ZNF385B: variants seen among roughly 807,000 people sequenced by gnomAD.
ZNF385B encodes zinc finger protein 385B, also known as zinc finger protein 533.
Under a neutral mutation model 39.2 loss-of-function variants are expected in ZNF385B, and 23 were observed. The observed-to-expected ratio is 0.59, with a 90% CI of 0.42 to 0.83. ZNF385B has a LOEUF of 0.83. Among genes scored for constraint, ZNF385B ranks in the 40% least tolerant of loss-of-function variants. The pLI, the probability that ZNF385B is intolerant of heterozygous loss-of-function variation, is 0.00. For missense variants in ZNF385B, 552 were observed against 598.9 expected (o/e 0.92, Z 0.82); for synonymous variants, 205 against 222.6 (o/e 0.92, Z 0.70).
chr2:179,841,701 T>C (rs549188403), intron 1 of ZNF385B, among the ~76,000 whole-genome samples: 1 of 152,240 alleles, frequency 6.6e-6, no homozygotes, highest in East Asian at 1.9e-4. Flanking sequence ...ACCAAATGTC[T>C]CCTGGGGGCA....
At chr2:179,631,569 C>A (rs1386381565) in intron 3 of ZNF385B, among the ~76,000 whole-genome samples, 1 of 152,066 alleles carries the variant, frequency 6.6e-6, no homozygotes, top group African/African-American at 2.4e-5. Flanking sequence ...CAAAAACATG[C>A]CAAATTGTAA....
chr2:179,617,389 T>C (rs1389454304), intron 3 of ZNF385B, among the ~76,000 whole-genome samples: 1 of 152,216 alleles, frequency 6.6e-6, no homozygotes, highest in Admixed American at 6.5e-5. Flanking sequence ...GAAAGCCTAG[T>C]ACCACCTGAT....
At chr2:179,662,807 C>A (rs1479405265) in intron 3 of ZNF385B, among the ~76,000 whole-genome samples, 1 of 152,096 alleles carries the variant, frequency 6.6e-6, no homozygotes, top group Non-Finnish European at 1.5e-5. Flanking sequence ...CTTCCAAGTT[C>A]TTTTACTTTG....
At chr2:179,739,710 G>C (rs1701975723) in intron 3 of ZNF385B, among the ~76,000 whole-genome samples, 1 of 152,032 alleles carries the variant, frequency 6.6e-6, no homozygotes, top group Admixed American at 6.6e-5. Context: ...TGGAGTATTA[G>C]TATAGCTTAA....
At chr2:179,770,819 G>A (rs1004576687) in intron 1 of ZNF385B, 147 bp from the exon 2 acceptor site, 1 of 152,150 alleles carries the variant, frequency 6.6e-6, no homozygotes, top group South Asian at 2.1e-4. Context: ...TAAACTAAGG[G>A]AAGATTCGAA....
At chr2:179,827,635 C>T (rs1024844040) in intron 1 of ZNF385B, among the ~76,000 whole-genome samples, 5 of 152,092 alleles carry the variant, frequency 3.3e-5, no homozygotes, top group African/African-American at 7.2e-5. Context: ...AGAACTGCCC[C>T]GCATTTCCTA....
intron 3 of ZNF385B, among the ~76,000 whole-genome samples, chr2:179,551,211 G>A: frequency 6.6e-6 from 1 of 152,000 alleles, no homozygotes; most frequent in South Asian, 2.1e-4. Flanking sequence ...GTCACTGAAT[G>A]CATATATTTA....
chr2:179,703,581 T>C (rs989946615), intron 3 of ZNF385B, among the ~76,000 whole-genome samples: 5 of 152,232 alleles, frequency 3.3e-5, no homozygotes, highest in African/African-American at 1.2e-4. Flanking sequence ...GATCTGCTTT[T>C]GTTAAATGGA....
At chr2:179,603,634 G>C (rs1402348075) in intron 3 of ZNF385B, among the ~76,000 whole-genome samples, 2 of 152,118 alleles carry the variant, frequency 1.3e-5, no homozygotes, top group Admixed American at 6.6e-5. Flanking sequence ...ATTATATCAT[G>C]TGATTGTAGC....
At chr2:179,824,189 T>G (rs552087166) in intron 1 of ZNF385B, among the ~76,000 whole-genome samples, 16 of 152,270 alleles carry the variant, frequency 1.1e-4, no homozygotes, top group African/African-American at 3.8e-4. Flanking sequence ...TCTACTCCAG[T>G]TGTGCATGTC....
chr2:179,540,333 C>T (rs2059836063), intron 4 of ZNF385B, among the ~76,000 whole-genome samples: 4 of 152,086 alleles, frequency 2.6e-5, no homozygotes, highest in African/African-American at 9.7e-5. Flanking sequence ...GTAATCCCAG[C>T]TACTCGGGAG....
chr2:179,490,273 CT>C (rs879928023), intron 5 of ZNF385B, among the ~76,000 whole-genome samples: 4 of 151,820 alleles, frequency 2.6e-5, no homozygotes, highest in African/African-American at 9.7e-5. Context: ...GTTATGGCTG[CT>C]TTGAAATACC....
intron 3 of ZNF385B, among the ~76,000 whole-genome samples, chr2:179,545,909 A>G (rs2060201957): frequency 6.6e-6 from 1 of 152,184 alleles, no homozygotes; most frequent in South Asian, 2.1e-4. Flanking sequence ...CAATCCAATT[A>G]TACTCTTTTA....
At chr2:179,583,337 A>T (rs1686750215) in intron 3 of ZNF385B, among the ~76,000 whole-genome samples, 1 of 152,182 alleles carries the variant, frequency 6.6e-6, no homozygotes, top group Admixed American at 6.5e-5. Flanking sequence ...AATTTAAGCC[A>T]TTATTATCAG....
chr2:179,563,309 T>C (rs1210084952), intron 3 of ZNF385B, among the ~76,000 whole-genome samples: 2 of 152,162 alleles, frequency 1.3e-5, no homozygotes, highest in Non-Finnish European at 2.9e-5. Flanking sequence ...TATGACTGAA[T>C]GGTTGTTTTG....
intron 3 of ZNF385B, among the ~76,000 whole-genome samples, chr2:179,607,048 C>T (rs1471696849): frequency 2.6e-5 from 4 of 152,094 alleles, no homozygotes; most frequent in South Asian, 2.1e-4. Flanking sequence ...TATTTGGTTA[C>T]GTCTGGACCT....
chr2:179,591,394 G>C (rs4511690), intron 3 of ZNF385B, among the ~76,000 whole-genome samples: 66,300 of 151,684 alleles, frequency 0.44, 15,052 homozygotes, highest in Middle Eastern at 0.59. Context: ...GAAATACAGA[G>C]AGCAATGAAA....
intron 1 of ZNF385B, among the ~76,000 whole-genome samples, chr2:179,831,854 A>G (rs978252260): frequency 2.6e-5 from 4 of 152,248 alleles, no homozygotes; most frequent in Non-Finnish European, 4.4e-5. Flanking sequence ...ATGGACTCAT[A>G]AAGAGACTGA....
chr2:179,695,948 G>A (rs1323205458), intron 3 of ZNF385B, among the ~76,000 whole-genome samples: 1 of 152,204 alleles, frequency 6.6e-6, no homozygotes, highest in African/African-American at 2.4e-5. Flanking sequence ...AATGGTGTGT[G>A]GATACGTGCC....
Sources: gnomAD v4.1 joint callset for allele counts (sites outside exome capture counted in the v4.1 genomes callset) on GRCh38, gnomAD v4.1.1 for gene constraint, MANE v1.5 for transcripts, NCBI Gene and HGNC (gene_info 2026-07-23, HGNC 2026-07-21) for gene names.